Variants in CCDC34 observed in about 807,000 individuals in gnomAD.
CCDC34 encodes coiled-coil domain-containing protein 34.
In CCDC34, 40 loss-of-function variants were observed where a neutral mutation model predicts 44.1. That is an observed-to-expected ratio of 0.91 (90% CI 0.70 to 1.18). The LOEUF is 1.18. CCDC34 is among the 50% of genes most tolerant of loss of function. CCDC34 has a pLI of 0.00. For missense variants in CCDC34, 466 were observed against 452.3 expected, an observed-to-expected ratio of 1.03 and a Z score of -0.28; for synonymous variants, 159 against 158.2, an observed-to-expected ratio of 1.01 and a Z score of -0.04.
chr11:27,341,588 G>T, intron 3 of CCDC34, 38 bp from the exon 4 acceptor site: 1 of 918,818 alleles, frequency 1.1e-6, no homozygotes, highest in Non-Finnish European at 1.6e-6. Flanking sequence ...TGTAATACCA[G>T]TAATTATACT....
intron 3 of CCDC34, among the ~76,000 whole-genome samples, chr11:27,346,453 A>G (rs535878435): frequency 1.4e-5 from 2 of 138,858 alleles, no homozygotes; most frequent in Non-Finnish European, 3.1e-5. Context: ...GGGAGGAAGG[A>G]AGGGAGGGAA....
chr11:27,356,432 TA>T (rs1862578042), intron 2 of CCDC34, among the ~76,000 whole-genome samples: 1 of 152,004 alleles, frequency 6.6e-6, no homozygotes, highest in African/African-American at 2.4e-5. Flanking sequence ...ATTTAAATAA[TA>T]TTAGACAGCC....
chr11:27,360,550 A>G (rs1719091726), intron 1 of CCDC34, among the ~76,000 whole-genome samples: 1 of 151,534 alleles, frequency 6.6e-6, no homozygotes. Flanking sequence ...TGCTTCACAC[A>G]GAATACTCAA....
At chr11:27,340,900 T>C (rs575340452) in intron 4 of CCDC34, 63 bp from the exon 5 acceptor site, 67 of 1,522,266 alleles carry the variant, frequency 4.4e-5, no homozygotes, top group Non-Finnish European at 6.0e-5. Context: ...CCATTCAAAT[T>C]CTACTGATTT....
chr11:27,363,099 G>A lies in CCDC34; in HGVS notation c.96C>T (p.Ser32=). The change falls in exon 1 of 6, where the codon TCC becomes TCT. Residue 32 remains serine, a synonymous_variant. Transcript: ENST00000328697. ...GTGCGCCCGTCATAGGGACTGAGCA[G>A]GAGTCCGAGGAGGGCCGAGACCTGG... ...CRPRSRPSSD[S]CSVPMTGARG... 6.3e-7 allele frequency: 1 copy of A among 1,598,152 alleles called. No individual in the cohort carries two copies. Among genetic ancestry groups the A allele is most frequent in the Non-Finnish European group, 8.5e-7 (1 of 1,171,306 alleles).
chr11:27,344,596 G>A (rs1226816352), intron 3 of CCDC34, among the ~76,000 whole-genome samples: 1 of 151,310 alleles, frequency 6.6e-6, no homozygotes, highest in Non-Finnish European at 1.5e-5. Flanking sequence ...GCCCTCATCA[G>A]CAAAAACATG....
intron 3 of CCDC34, chr11:27,349,880 G>T (rs139265021): frequency 7.5e-5 from 75 of 996,870 alleles, no homozygotes; most frequent in Non-Finnish European, 8.8e-5. Flanking sequence ...TCACAAACAG[G>T]GGAGTAGTAA....
At position 27,363,153 on chromosome 11, in the gene CCDC34, G is replaced by C. The variant is rs745576418; in HGVS notation, c.42C>G (p.Ser14=). 1 of 1,516,226 alleles carries C rather than the reference G, an allele frequency of 6.6e-7. No individual in the cohort carries two copies. The highest frequency in any genetic ancestry group is 8.8e-7 in the Non-Finnish European group (1 of 1,136,670). The allele number at this position is 1,516,226 out of a possible 1,614,324, so 93.9% of individuals were successfully genotyped here. ...TGCAGTCAGCAGAGAAACCGGCGTAGGAAGAGGGAAAAGTAGGCCCCCAGC... is the reference window on the plus strand; with the variant it reads ...TGCAGTCAGCAGAGAAACCGGCGTACGAAGAGGGAAAAGTAGGCCCCCAGC... ...AGRWGPTFPS[S]YAGFSADCRP... The change falls in exon 1 of 6, where the codon TCC becomes TCG. Residue 14 remains serine, a synonymous_variant. Coordinates refer to ENST00000328697, the MANE Select transcript of CCDC34 (RefSeq NM_030771.2).
At chr11:27,356,008 A>AT (rs34146389) in intron 2 of CCDC34, among the ~76,000 whole-genome samples, 11,911 of 69,258 alleles carry the variant, frequency 0.17, 1,964 homozygotes, top group Middle Eastern at 0.2. Context: ...TGTTCCCAGG[A>AT]TTTTTTTTTT....
chr11:27,356,146 G>A (rs921548431), intron 2 of CCDC34, among the ~76,000 whole-genome samples: 1 of 150,210 alleles, frequency 6.7e-6, no homozygotes, highest in Non-Finnish European at 1.5e-5. Flanking sequence ...AGCCTCCTGA[G>A]TAGCTGGGAT....
intron 2 of CCDC34, among the ~76,000 whole-genome samples, chr11:27,356,995 T>C (rs1862587472): frequency 6.6e-6 from 1 of 151,452 alleles, no homozygotes; most frequent in African/African-American, 2.4e-5. Flanking sequence ...AGTTAAAAAT[T>C]TTGCCGAGTG....
rs146714072 is a variant in CCDC34 at position 27,353,356 on chromosome 11, A to G, written c.499-2917T>C. Among the ~76,000 whole-genome samples the G allele has an allele frequency of 7.4e-4, 112 of 152,030 alleles. 1 individual carries two copies. The highest frequency in any genetic ancestry group is 2.5e-3 in the African/African-American group (105 of 41,536). Reference sequence around the variant, plus strand: ...AAGAAGGCACCAGGACTACTCACAAACTAGGTAATTTTTATAATTTACAAC... The same window carrying G: ...AAGAAGGCACCAGGACTACTCACAAGCTAGGTAATTTTTATAATTTACAAC... On this transcript the variant is annotated intron_variant, in intron 2 of 5. Coordinates refer to ENST00000328697, the MANE Select transcript of CCDC34 (RefSeq NM_030771.2).
chr11:27,349,368 T>A (rs1303304605), intron 3 of CCDC34: 7 of 879,112 alleles, frequency 8.0e-6, no homozygotes, highest in Admixed American at 6.2e-5. Context: ...CACATACATC[T>A]AACCAATTTC....
At chr11:27,348,286 C>CAT (rs1862460308) in intron 3 of CCDC34, among the ~76,000 whole-genome samples, 2 of 152,302 alleles carry the variant, frequency 1.3e-5, no homozygotes, top group South Asian at 4.1e-4. Context: ...TGTTATCCAT[C>CAT]ATATACCTTG....
chr11:27,340,898 A>T, intron 4 of CCDC34, 61 bp from the exon 5 acceptor site: 3 of 1,521,484 alleles, frequency 2.0e-6, no homozygotes, highest in Non-Finnish European at 2.7e-6. Context: ...TTCCATTCAA[A>T]TTCTACTGAT....
intron 1 of CCDC34, among the ~76,000 whole-genome samples, chr11:27,360,038 GCTTTT>G (rs796671293): frequency 5.9e-5 from 9 of 152,280 alleles, no homozygotes; most frequent in African/African-American, 1.9e-4. Context: ...AGATCAGTGG[GCTTTT>G]CTTTTAAGAA....
At chr11:27,358,968 C>CCA (rs1554963885) in intron 1 of CCDC34, among the ~76,000 whole-genome samples, 8 of 70,782 alleles carry the variant, frequency 1.1e-4, no homozygotes, top group African/African-American at 3.7e-4. Flanking sequence ...ACCCCCCCCC[C>CCA]CCACCGCCAC....
At chr11:27,345,351 T>C (rs1862417172) in intron 3 of CCDC34, among the ~76,000 whole-genome samples, 1 of 152,164 alleles carries the variant, frequency 6.6e-6, no homozygotes, top group Non-Finnish European at 1.5e-5. Context: ...TTGTTACATA[T>C]GTATACATGT....
chr11:27,350,517 T>C, intron 2 of CCDC34, 78 bp from the exon 3 acceptor site: 3 of 1,332,848 alleles, frequency 2.3e-6, no homozygotes, highest in Non-Finnish European at 3.0e-6. Context: ...TCTGAGGTTA[T>C]TAACCAAATT....
Sources: gnomAD v4.1 joint callset for allele counts (sites outside exome capture counted in the v4.1 genomes callset) on GRCh38, gnomAD v4.1.1 for gene constraint, MANE v1.5 for transcripts, NCBI Gene and HGNC (gene_info 2026-07-23, HGNC 2026-07-21) for gene names.